The following TMEM123 variants were observed in gnomAD, a reference collection of about 807,000 sequenced individuals.
TMEM123 encodes porimin.
TMEM123 carries 16 observed loss-of-function variants against 19.7 expected under a neutral mutation model. The observed-to-expected ratio is 0.81, with a 90% confidence interval of 0.55 to 1.23. The LOEUF (loss-of-function observed/expected upper bound fraction) is 1.23, where lower values mean the gene tolerates loss of function less well. Among genes scored for constraint, TMEM123 ranks in the 50% most tolerant of loss-of-function variants. TMEM123 has a pLI of 0.00. For missense variants in TMEM123, 313 were observed against 257.8 expected (o/e 1.21, Z -1.47); for synonymous variants, 118 against 99.4 (o/e 1.19, Z -1.12).
In TMEM123 at chr11:102,396,356, C is replaced by A. The variant is rs1466184036; in HGVS notation, c.*2511G>T. 2 of 151,966 alleles carry A rather than the reference C, an allele frequency of 1.3e-5. No individual in the cohort carries two copies. Among genetic ancestry groups the A allele is most frequent in the African/African-American group, 4.8e-5 (2 of 41,354 alleles). 9.4% of individuals were successfully genotyped at this position (151,966 alleles called of 1,614,324 possible). A position where few individuals can be genotyped will look rare whatever the true frequency, so the allele number is the denominator to read the frequency against. On this transcript the variant is annotated 3_prime_UTR_variant, in exon 5 of 5. Coordinates refer to ENST00000398136, the MANE Select transcript of TMEM123 (RefSeq NM_052932.3). ...CTTTTAGAAGGAGAACAATTTTATT[C>A]TAAAAATAGAACTTGGTAACAATGA...
At chr11:102,420,808 G>T (rs1952079521) in intron 2 of TMEM123, among the ~76,000 whole-genome samples, 1 of 152,164 alleles carries the variant, frequency 6.6e-6, no homozygotes, top group South Asian at 2.1e-4. Context: ...CTCACTTTGG[G>T]AGGCCAAGGC....
intron 2 of TMEM123, among the ~76,000 whole-genome samples, chr11:102,427,039 T>C (rs1181861215): frequency 2.0e-5 from 3 of 151,592 alleles, no homozygotes; most frequent in Non-Finnish European, 4.4e-5. Flanking sequence ...AACTCTGAGA[T>C]TAAGTTGCAG....
chr11:102,451,250 AAC>A (rs1857935994), intron 1 of TMEM123: 1 of 152,352 alleles, frequency 6.6e-6, no homozygotes, highest in South Asian at 2.1e-4. Context: ...TATCTTCACA[AAC>A]ACAGCAACAA....
chr11:102,426,707 C>T (rs1952128728), intron 2 of TMEM123, among the ~76,000 whole-genome samples: 2 of 152,076 alleles, frequency 1.3e-5, no homozygotes, highest in African/African-American at 2.4e-5. Flanking sequence ...AGAAAAATTA[C>T]CTTTGACTTC....
intron 2 of TMEM123, among the ~76,000 whole-genome samples, chr11:102,409,009 G>A (rs1951979665): frequency 6.6e-6 from 1 of 152,030 alleles, no homozygotes; most frequent in Non-Finnish European, 1.5e-5. Context: ...ATAACCTTGA[G>A]TCCAAAAATA....
intron 2 of TMEM123, among the ~76,000 whole-genome samples, chr11:102,412,938 C>A (rs1952016688): frequency 6.6e-6 from 1 of 151,974 alleles, no homozygotes; most frequent in Non-Finnish European, 1.5e-5. Context: ...CACGCTAATT[C>A]CCAAAGGATG....
chr11:102,440,670 T>C (rs1857815870), intron 2 of TMEM123, among the ~76,000 whole-genome samples: 1 of 152,202 alleles, frequency 6.6e-6, no homozygotes, highest in African/African-American at 2.4e-5. Flanking sequence ...GCTAACATCA[T>C]AATGACAGGA....
chr11:102,401,701 A>G lies in TMEM123; in HGVS notation c.449-9T>C. ...ATGCATAGTTGTTGTGACTAGAACA[A>G]AAGAAAACAAAAAAGGGCTTTAGCG... On this transcript the variant is annotated splice_polypyrimidine_tract_variant and intron_variant, in intron 3 of 4. Coordinates refer to ENST00000398136, the MANE Select transcript of TMEM123 (RefSeq NM_052932.3). 1.9e-6 allele frequency: 3 copies of G among 1,570,462 alleles called. No homozygotes were observed. Among genetic ancestry groups the G allele is most frequent in the East Asian group, 4.5e-5 (2 of 44,588 alleles).
At chr11:102,413,160 A>T (rs1952018357) in intron 2 of TMEM123, among the ~76,000 whole-genome samples, 1 of 152,210 alleles carries the variant, frequency 6.6e-6, no homozygotes, top group Non-Finnish European at 1.5e-5. Context: ...ATCTTCCAGC[A>T]ACTCATACAA....
intron 2 of TMEM123, among the ~76,000 whole-genome samples, chr11:102,406,955 A>T (rs951935374): frequency 3.3e-5 from 5 of 152,026 alleles, no homozygotes; most frequent in African/African-American, 1.2e-4. Context: ...CACCAAAAGC[A>T]AGGGCCAGCT....
At chr11:102,441,303 C>G (rs1447767686) in intron 2 of TMEM123, among the ~76,000 whole-genome samples, 2 of 152,180 alleles carry the variant, frequency 1.3e-5, no homozygotes, top group Non-Finnish European at 2.9e-5. Flanking sequence ...GTAAAGCACT[C>G]CTCAGCAAAT....
At chr11:102,400,675 G>A (rs949565235) in intron 4 of TMEM123, among the ~76,000 whole-genome samples, 5 of 152,214 alleles carry the variant, frequency 3.3e-5, no homozygotes, top group Non-Finnish European at 4.4e-5. Flanking sequence ...TCGTGAGGGT[G>A]GAACCCTCGT....
chr11:102,411,837 C>G (rs746067952), intron 2 of TMEM123, among the ~76,000 whole-genome samples: 1 of 152,182 alleles, frequency 6.6e-6, no homozygotes, highest in Non-Finnish European at 1.5e-5. Flanking sequence ...AGACACAGTT[C>G]TGGGAAAACG....
intron 2 of TMEM123, chr11:102,448,368 G>T (rs1857905404): frequency 2.3e-6 from 1 of 443,866 alleles, no homozygotes; most frequent in African/African-American, 2.0e-5. Context: ...TGTTTGGGTT[G>T]AGTCTGCCTA....
chr11:102,443,152 C>CA (rs746412221), intron 2 of TMEM123, among the ~76,000 whole-genome samples: 19 of 152,210 alleles, frequency 1.2e-4, no homozygotes, highest in Admixed American at 4.6e-4. Flanking sequence ...ATGCCATCCC[C>CA]ATCAAGCTAC....
intron 2 of TMEM123, among the ~76,000 whole-genome samples, chr11:102,403,779 A>C (rs1951932006): frequency 6.6e-6 from 1 of 152,180 alleles, no homozygotes; most frequent in Admixed American, 6.5e-5. Context: ...GTAGTGAGTG[A>C]GTTCTCATTC....
In TMEM123 at chr11:102,417,376, A is replaced by C. The variant is rs536775141; in HGVS notation, c.158-15170T>G. On this transcript the variant is annotated intron_variant, in intron 2 of 4. Coordinates refer to ENST00000398136, the MANE Select transcript of TMEM123 (RefSeq NM_052932.3). ...AATGCCCAAGCTGAGAGCCAAATCAAGAATGCAATCCCATTCACAGCAGCA... is the reference window on the plus strand; with the variant it reads ...AATGCCCAAGCTGAGAGCCAAATCACGAATGCAATCCCATTCACAGCAGCA... Among the ~76,000 whole-genome samples, 6 of 152,254 alleles carry C rather than the reference A, an allele frequency of 3.9e-5. No homozygotes were observed. The South Asian group carries it at 1.2e-3, about 32-fold the overall frequency.
intron 4 of TMEM123, 52 bp downstream of exon 4, chr11:102,401,487 A>C (rs1951911866): frequency 8.8e-6 from 13 of 1,471,798 alleles, no homozygotes; most frequent in Non-Finnish European, 1.1e-5. Flanking sequence ...ATCATAATTA[A>C]AGATGTGCAC....
chr11:102,446,156 T>C (rs1266574440), intron 2 of TMEM123, among the ~76,000 whole-genome samples: 1 of 152,232 alleles, frequency 6.6e-6, no homozygotes, highest in Non-Finnish European at 1.5e-5. Flanking sequence ...ATGCCACATT[T>C]CCTTACATCC....
Sources: gnomAD v4.1 joint callset for allele counts (sites outside exome capture counted in the v4.1 genomes callset) on GRCh38, gnomAD v4.1.1 for gene constraint, MANE v1.5 for transcripts, NCBI Gene and HGNC (gene_info 2026-07-23, HGNC 2026-07-21) for gene names.